Variants in MGAT4C observed in about 807,000 individuals in gnomAD.
The protein encoded by MGAT4C is alpha-1,3-mannosyl-glycoprotein 4-beta-N-acetylglucosaminyltransferase C.
MGAT4C carries 19 observed loss-of-function variants against 40.1 expected under a neutral mutation model. The observed-to-expected ratio is 0.47, with a 90% CI of 0.33 to 0.70. The LOEUF (loss-of-function observed/expected upper bound fraction) is 0.70, where lower values mean the gene tolerates loss of function less well. Ranked by LOEUF, MGAT4C falls within the 30% of genes least tolerant of loss-of-function variation. MGAT4C has a pLI of 0.02. For synonymous variants in MGAT4C, 181 were observed against 187.1 expected (o/e 0.97, Z 0.27); for missense variants, 491 against 563.2 (o/e 0.87, Z 1.30).
chr12:86,299,155 G>A (rs1953751032), intron 4 of MGAT4C, among the ~76,000 whole-genome samples: 1 of 151,966 alleles, frequency 6.6e-6, no homozygotes, highest in African/African-American at 2.4e-5. Flanking sequence ...TCGCTCTGTC[G>A]CCCAGGCTGG....
intron 1 of MGAT4C, among the ~76,000 whole-genome samples, chr12:86,089,456 A>G (rs1423809247): frequency 2.0e-5 from 3 of 151,836 alleles, no homozygotes; most frequent in African/African-American, 7.2e-5. Context: ...GAGTTTTTCT[A>G]TTAAAATTGT....
Position 85,959,023 on chromosome 12 carries a change from T to TACACAATACAATACA in MGAT4C, c.*20265_*20266insTGTATTGTATTGTGT, listed in dbSNP as rs1882969628. 7.3e-6 allele frequency: 1 copy of TACACAATACAATACA among 137,610 alleles called. No individual in the cohort carries two copies. The highest frequency in any genetic ancestry group is 1.6e-5 in the Non-Finnish European group (1 of 62,840). The allele number at this position is 137,610 out of a possible 1,614,324, so 8.5% of individuals were successfully genotyped here. A position where few individuals can be genotyped will look rare whatever the true frequency, so the allele number is the denominator to read the frequency against. ...ATGTTATTAAATCTCTGGTAACCAC[T>TACACAATACAATACA]ATACAATACAATACAATACAATACA... On this transcript the variant is annotated 3_prime_UTR_variant, in exon 5 of 5. Transcript: ENST00000611864.
chr12:86,518,360 CAAAGT>C (rs1327224260), intron 2 of MGAT4C, among the ~76,000 whole-genome samples: 1 of 152,008 alleles, frequency 6.6e-6, no homozygotes, highest in African/African-American at 2.4e-5. Context: ...AATAATAAGA[CAAAGT>C]AAAGAAATAG....
At chr12:86,607,426 C>T (rs565139986) in intron 2 of MGAT4C, among the ~76,000 whole-genome samples, 1 of 152,026 alleles carries the variant, frequency 6.6e-6, no homozygotes, top group South Asian at 2.1e-4. Flanking sequence ...TAAAGTTACT[C>T]CTGTATAAAA....
intron 2 of MGAT4C, among the ~76,000 whole-genome samples, chr12:86,613,635 CTAA>C (rs1962355402): frequency 1.3e-5 from 2 of 152,108 alleles, no homozygotes; most frequent in Non-Finnish European, 2.9e-5. Flanking sequence ...AACATTTTAA[CTAA>C]TAATATTTTA....
chr12:86,742,892 G>C (rs1277250168), intron 1 of MGAT4C, among the ~76,000 whole-genome samples: 2 of 151,496 alleles, frequency 1.3e-5, no homozygotes, highest in African/African-American at 4.8e-5. Flanking sequence ...CCAAACTAAA[G>C]CTATTACACT....
At position 86,661,233 on chromosome 12, in the gene MGAT4C, T is replaced by G. The variant is rs961458866; in HGVS notation, c.-229+65976A>C. On this transcript the variant is annotated intron_variant, in intron 2 of 7. Coordinates refer to the MGAT4C transcript ENST00000548651. ...AAAAGGAAAAAGCCAAATAAAAAAATCAGTATAAAAAAGATTAGATTTTAA... is the reference window on the plus strand; with the variant it reads ...AAAAGGAAAAAGCCAAATAAAAAAAGCAGTATAAAAAAGATTAGATTTTAA... Among the ~76,000 whole-genome samples the G allele has an allele frequency of 2.0e-5, 3 of 150,236 alleles. No homozygotes were observed. In the East Asian group the frequency reaches 5.8e-4, roughly 29 times the overall value.
chr12:86,833,817 G>C (rs564424877), intron 1 of MGAT4C, among the ~76,000 whole-genome samples: 42 of 151,936 alleles, frequency 2.8e-4, no homozygotes, highest in African/African-American at 1.0e-3. Flanking sequence ...CTGGAAGCCT[G>C]AGAAGGGTAC....
At chr12:86,390,746 A>T (rs1956147574) in intron 3 of MGAT4C, among the ~76,000 whole-genome samples, 1 of 120,428 alleles carries the variant, frequency 8.3e-6, no homozygotes, top group South Asian at 2.3e-4. Context: ...AATTTGATTT[A>T]AAAAAATGAA....
At chr12:86,487,582 G>T (rs1230788547) in intron 2 of MGAT4C, among the ~76,000 whole-genome samples, 1 of 152,126 alleles carries the variant, frequency 6.6e-6, no homozygotes, top group Non-Finnish European at 1.5e-5. Context: ...GTTAGTATGT[G>T]TTTGACAAAT....
Position 85,957,024 on chromosome 12 carries a change from C to A in MGAT4C, c.*22265G>T, listed in dbSNP as rs1882829413. ...TGGCTATGTGGAACCATTGGTTGGA[C>A]ACATAAAATGAGAGTATGTAGATGC... is the stretch of plus-strand genomic sequence containing the variant. On this transcript the variant is annotated 3_prime_UTR_variant, in exon 5 of 5. Coordinates refer to ENST00000611864, the MANE Select transcript of MGAT4C (RefSeq NM_001351288.2). The A allele has an allele frequency of 6.6e-6, 1 of 152,068 alleles. No homozygotes were observed. Among genetic ancestry groups the A allele is most frequent in the Non-Finnish European group, 1.5e-5 (1 of 68,012 alleles). The allele number at this position is 152,068 out of a possible 1,614,324, so 9.4% of individuals were successfully genotyped here.
intron 1 of MGAT4C, among the ~76,000 whole-genome samples, chr12:86,105,543 C>T (rs1875997041): frequency 6.6e-6 from 1 of 152,046 alleles, no homozygotes; most frequent in Admixed American, 6.6e-5. Flanking sequence ...TCTCACGTTT[C>T]CTATAAAGGA....
rs573772264 is a variant in MGAT4C at position 86,307,993 on chromosome 12, G to A, written c.-57+26072C>T. Among the ~76,000 whole-genome samples, 73 of 150,710 alleles carry A rather than the reference G, an allele frequency of 4.8e-4. 6 individuals are homozygous for A. The highest frequency in any genetic ancestry group is 1.7e-3 in the African/African-American group (69 of 40,162). On this transcript the variant is annotated intron_variant, in intron 4 of 7. Coordinates refer to the MGAT4C transcript ENST00000548651. Reference sequence around the variant, plus strand: ...GCTGGGATTACAGGCGTGAGCCACCGCGCCCGACCATTTGGGTACAATTTT... The same window carrying A: ...GCTGGGATTACAGGCGTGAGCCACCACGCCCGACCATTTGGGTACAATTTT...
chr12:86,449,705 T>C (rs556567765), intron 2 of MGAT4C, among the ~76,000 whole-genome samples: 1 of 152,312 alleles, frequency 6.6e-6, no homozygotes, highest in African/African-American at 2.4e-5. Flanking sequence ...ATTTGGAGAA[T>C]ATTCTATGTA....
chr12:86,316,079 C>CAAAAAAAAAAAAAAAAAAAAAAA (rs71076185), intron 4 of MGAT4C, among the ~76,000 whole-genome samples: 1 of 34,062 alleles, frequency 2.9e-5, no homozygotes, highest in Non-Finnish European at 5.0e-5. Context: ...ATACAAGCAG[C>CAAAAAAAAAAAAAAAAAAAAAAA]AAAAAAAAAA....
At chr12:86,292,530 A>C (rs181814965) in intron 4 of MGAT4C, among the ~76,000 whole-genome samples, 145 of 152,172 alleles carry the variant, frequency 9.5e-4, no homozygotes, top group African/African-American at 3.2e-3. Flanking sequence ...AATTCAAGGA[A>C]CACAAAACAA....
chr12:86,328,069 T>G (rs1294517904), intron 4 of MGAT4C, among the ~76,000 whole-genome samples: 1 of 152,132 alleles, frequency 6.6e-6, no homozygotes, highest in Admixed American at 6.6e-5. Flanking sequence ...AGCTCAAGGA[T>G]GGGAAGTAGA....
intron 2 of MGAT4C, among the ~76,000 whole-genome samples, chr12:86,540,607 G>A (rs1008078793): frequency 4.6e-5 from 7 of 152,218 alleles, no homozygotes; most frequent in African/African-American, 1.4e-4. Context: ...GTGGTGGCAC[G>A]AGCCTGTAGT....
At chr12:86,115,589 G>T (rs1878278674) in intron 1 of MGAT4C, among the ~76,000 whole-genome samples, 1 of 151,950 alleles carries the variant, frequency 6.6e-6, no homozygotes, top group African/African-American at 2.4e-5. Context: ...ATTAATCTAG[G>T]TCACTATAAA....
Sources: gnomAD v4.1 joint callset for allele counts (sites outside exome capture counted in the v4.1 genomes callset) on GRCh38, gnomAD v4.1.1 for gene constraint, MANE v1.5 for transcripts, NCBI Gene and HGNC (gene_info 2026-07-23, HGNC 2026-07-21) for gene names.